The following FHIT variants were observed in gnomAD, a reference collection of about 807,000 sequenced individuals.
FHIT encodes fragile histidine triad diadenosine triphosphatase.
Under a neutral mutation model 17.9 loss-of-function variants are expected in FHIT, and 19 were observed. The observed-to-expected ratio is 1.06, with a 90% CI of 0.74 to 1.56. FHIT has a LOEUF of 1.56. FHIT is among the 40% of genes most tolerant of loss of function. The pLI is 0.00. For missense variants in FHIT, 248 were observed against 189.2 expected (o/e 1.31, Z -1.82); for synonymous variants, 81 against 69.7 (o/e 1.16, Z -0.81).
chr3:60,864,436 T>G (rs1331408679), intron 3 of FHIT, among the ~76,000 whole-genome samples: 2 of 152,126 alleles, frequency 1.3e-5, no homozygotes, highest in African/African-American at 4.8e-5. Flanking sequence ...GTGCTGTCTC[T>G]CATTGCAGAA....
intron 1 of FHIT, among the ~76,000 whole-genome samples, chr3:61,213,890 C>G (rs2039578047): frequency 1.3e-5 from 2 of 152,146 alleles, no homozygotes; most frequent in South Asian, 2.1e-4. Flanking sequence ...ACTGAACAAC[C>G]TGCTCCTGAA....
At chr3:60,331,773 G>A (rs1709988694) in intron 5 of FHIT, among the ~76,000 whole-genome samples, 1 of 151,842 alleles carries the variant, frequency 6.6e-6, no homozygotes, top group Non-Finnish European at 1.5e-5. Context: ...TTGAACCCAG[G>A]AGGTGGAAGT....
At chr3:60,896,362 A>G (rs918710864) in intron 3 of FHIT, among the ~76,000 whole-genome samples, 4 of 152,112 alleles carry the variant, frequency 2.6e-5, no homozygotes, top group Non-Finnish European at 5.9e-5. Context: ...GAGGACAAGT[A>G]AGAATTATAA....
chr3:60,531,521 G>T (rs150244021), intron 5 of FHIT, among the ~76,000 whole-genome samples: 18,055 of 151,804 alleles, frequency 0.12, 1,378 homozygotes, highest in African/African-American at 0.22. Context: ...CTCGTGATCC[G>T]CCCGCCTCGG....
intron 5 of FHIT, among the ~76,000 whole-genome samples, chr3:60,035,599 G>A (rs1408339657): frequency 6.6e-6 from 1 of 152,106 alleles, no homozygotes; most frequent in Non-Finnish European, 1.5e-5. Flanking sequence ...TTTCAGTTTG[G>A]GGGTAGAACA....
intron 4 of FHIT, among the ~76,000 whole-genome samples, chr3:60,606,918 A>T (rs962401886): frequency 6.6e-5 from 10 of 152,140 alleles, no homozygotes; most frequent in African/African-American, 2.4e-4. Context: ...TACTTATATT[A>T]ACCTCAGTCT....
intron 2 of FHIT, among the ~76,000 whole-genome samples, chr3:61,056,299 G>A (rs1017803223): frequency 1.1e-4 from 17 of 152,202 alleles, no homozygotes; most frequent in African/African-American, 3.9e-4. Flanking sequence ...GGTGAAGATT[G>A]GGATTAGGGA....
In FHIT at chr3:60,553,582, T is replaced by C. The variant is rs2036643743; in HGVS notation, c.-17-16603A>G. Among the ~76,000 whole-genome samples, 3 of 149,070 alleles carry C rather than the reference T, an allele frequency of 2.0e-5. No homozygotes were observed. The South Asian group carries it at 6.4e-4, about 32-fold the overall frequency. On this transcript the variant is annotated intron_variant, in intron 4 of 9. Coordinates refer to ENST00000492590, the MANE Select transcript of FHIT (RefSeq NM_002012.4). ...AGAGGCTCCTGAAGTTCTTCTCATCTAGTCAAGAAAGATATAGGGTGTAAA... is the reference window on the plus strand; with the variant it reads ...AGAGGCTCCTGAAGTTCTTCTCATCCAGTCAAGAAAGATATAGGGTGTAAA...
chr3:60,135,536 G>T (rs1165150918), intron 5 of FHIT, among the ~76,000 whole-genome samples: 1 of 152,056 alleles, frequency 6.6e-6, no homozygotes, highest in African/African-American at 2.4e-5. Flanking sequence ...CCTCATCATG[G>T]GGAGAAAAAC....
intron 3 of FHIT, among the ~76,000 whole-genome samples, chr3:60,955,617 T>TATGTATATATATATATGTATATATAC (rs1559862374): frequency 1.4e-4 from 2 of 13,874 alleles, no homozygotes; most frequent in Admixed American, 1.6e-3. Flanking sequence ...TATATATATA[T>TATGTATATATATATATGTATATATAC]ATATATATAT....
At chr3:60,139,101 C>G (rs1699931363) in intron 5 of FHIT, among the ~76,000 whole-genome samples, 1 of 152,150 alleles carries the variant, frequency 6.6e-6, no homozygotes, top group African/African-American at 2.4e-5. Context: ...TCTTCCAAAA[C>G]TCAAACAAGT....
intron 7 of FHIT, among the ~76,000 whole-genome samples, chr3:59,952,861 T>G (rs570012924): frequency 6.6e-6 from 1 of 152,102 alleles, no homozygotes; most frequent in Non-Finnish European, 1.5e-5. Context: ...GCTCCCCTTG[T>G]GGACAGCTGT....
intron 8 of FHIT, among the ~76,000 whole-genome samples, chr3:59,777,016 G>A (rs549465812): frequency 1.3e-5 from 2 of 152,114 alleles, no homozygotes; most frequent in Admixed American, 6.6e-5. Context: ...TTGTTCCAGT[G>A]TCTCCCATGC....
intron 4 of FHIT, among the ~76,000 whole-genome samples, chr3:60,794,237 C>G (rs977362813): frequency 6.6e-6 from 1 of 152,130 alleles, no homozygotes; most frequent in Non-Finnish European, 1.5e-5. Context: ...AACTGTTCCA[C>G]TGTTCTACTC....
At chr3:61,133,047 G>A (rs953264345) in intron 2 of FHIT, among the ~76,000 whole-genome samples, 3 of 152,138 alleles carry the variant, frequency 2.0e-5, no homozygotes, top group South Asian at 2.1e-4. Flanking sequence ...GTGATGAAGA[G>A]GAAAGAGTTC....
chr3:59,842,692 G>A (rs1701577020), intron 8 of FHIT, among the ~76,000 whole-genome samples: 1 of 152,064 alleles, frequency 6.6e-6, no homozygotes, highest in Admixed American at 6.6e-5. Context: ...CTGTTTATTG[G>A]ACACTTGTAC....
Position 60,014,113 on chromosome 3 carries a change from T to C in FHIT, c.143A>G (p.His48Arg). 6.2e-7 allele frequency: 1 copy of C among 1,614,104 alleles called. No homozygotes were observed. Among genetic ancestry groups the C allele is most frequent in the Non-Finnish European group, 8.5e-7 (1 of 1,179,998 alleles). ...VCPLRPVERF[H>R]DLRPDEVADL... is the part of the protein sequence containing the mutation. ...GGCCACTTCATCAGGACGCAGGTCA[T>C]GGAAGCGCTCCACTGGCCGCAGCGG... The change falls in exon 6 of 10, where the codon CAT becomes CGT. Residue 48 changes from histidine (H) to arginine (R), a missense_variant. His to Arg is a conservative substitution (Grantham distance 29). Transcript: ENST00000492590.
chr3:60,246,975 C>G (rs1378548832), intron 5 of FHIT, among the ~76,000 whole-genome samples: 6 of 152,098 alleles, frequency 3.9e-5, no homozygotes, highest in Non-Finnish European at 8.8e-5. Flanking sequence ...CTGTATGATA[C>G]TCTAATGGTA....
rs1353567161 is a variant in FHIT, at chr3:60,842,621, ATATGAGTGTATATATATATATATATTTT to A, written c.-110-20638_-110-20611del. The stretch of plus-strand genomic sequence containing the variant: ...TGAGTGTATATATATATACATATAT[ATATGAGTGTATATATATATATATATTTT>A]TTTTTTTTTTTTTTTCCCTTGCTAG... On this transcript the variant is annotated intron_variant, in intron 3 of 9. Coordinates refer to ENST00000492590, the MANE Select transcript of FHIT (RefSeq NM_002012.4). Among the ~76,000 whole-genome samples the A allele has an allele frequency of 2.9e-3, 314 of 108,940 alleles. 3 individuals are homozygous for A. The highest frequency in any genetic ancestry group is 0.01 in the Middle Eastern group (2 of 194). The allele number at this position is 108,940 out of a possible 152,430, so 71.5% of individuals were successfully genotyped here. A position where few individuals can be genotyped will look rare whatever the true frequency, so the allele number is the denominator to read the frequency against.
Sources: allele counts gnomAD v4.1 joint callset (sites outside exome capture counted in the v4.1 genomes callset), GRCh38; gene constraint gnomAD v4.1.1; transcripts MANE v1.5; gene names NCBI Gene and HGNC (gene_info 2026-07-23, HGNC 2026-07-21).